The following LHFPL4 variants were observed in gnomAD, a reference collection of about 807,000 sequenced individuals.
LHFPL4 encodes the protein LHFPL tetraspan subfamily member 4 protein.
Under a neutral mutation model 20.0 loss-of-function variants are expected in LHFPL4, and 6 were observed. The ratio of observed to expected loss-of-function variants is 0.30; its 90% CI spans 0.16 to 0.59. LHFPL4 has a LOEUF of 0.59. Ranked by LOEUF, LHFPL4 falls within the 20% of genes least tolerant of loss-of-function variation. The pLI is 0.88. For missense variants in LHFPL4, 215 were observed against 331.2 expected (o/e 0.65, Z 2.72); for synonymous variants, 129 against 143.8 (o/e 0.90, Z 0.74).
In LHFPL4 at chr3:9,502,104, T is replaced by C; in HGVS notation, c.*107A>G. Reference sequence around the variant, plus strand: ...AGCTTGCAGGGTAGTCGGTGAGAAGTAAGTCTGAGATCAGGGTCTTCCCTC... The same window carrying C: ...AGCTTGCAGGGTAGTCGGTGAGAAGCAAGTCTGAGATCAGGGTCTTCCCTC... On this transcript the variant is annotated 3_prime_UTR_variant, in exon 4 of 4. Transcript: ENST00000287585. 1 of 801,910 alleles carries C rather than the reference T, an allele frequency of 1.2e-6. No homozygotes were observed. Among genetic ancestry groups the C allele is most frequent in the Non-Finnish European group, 2.1e-6 (1 of 468,056 alleles). The allele number at this position is 801,910 out of a possible 1,614,324, so 49.7% of individuals were successfully genotyped here. A position where few individuals can be genotyped will look rare whatever the true frequency, so the allele number is the denominator to read the frequency against.
At chr3:9,511,919 C>G (rs190786449) in intron 2 of LHFPL4, among the ~76,000 whole-genome samples, 1 of 148,162 alleles carries the variant, frequency 6.7e-6, no homozygotes, top group African/African-American at 2.5e-5. Context: ...TGGCTGCATC[C>G]TTTACATGGC....
intron 2 of LHFPL4, among the ~76,000 whole-genome samples, chr3:9,525,919 T>G (rs1230490671): frequency 6.6e-6 from 1 of 152,224 alleles, no homozygotes; most frequent in Non-Finnish European, 1.5e-5. Flanking sequence ...CCTGAGTCCA[T>G]GCTCTTAACT....
At chr3:9,510,216 C>T (rs202165788) in intron 2 of LHFPL4, among the ~76,000 whole-genome samples, 11 of 151,790 alleles carry the variant, frequency 7.2e-5, no homozygotes, top group East Asian at 1.9e-4. Context: ...TTTGGGAGGC[C>T]GAGGTGGGAG....
chr3:9,507,673 G>C (rs1316602622), intron 2 of LHFPL4, among the ~76,000 whole-genome samples: 1 of 152,242 alleles, frequency 6.6e-6, no homozygotes, highest in East Asian at 1.9e-4. Flanking sequence ...GCATCCACCT[G>C]CTTTGGATTT....
chr3:9,543,687 A>C (rs1574854930), intron 2 of LHFPL4, among the ~76,000 whole-genome samples: 1 of 150,020 alleles, frequency 6.7e-6, no homozygotes, highest in African/African-American at 2.5e-5. Context: ...TTGTTGACTC[A>C]GGCGACTACG....
chr3:9,503,417 A>T (rs762288990), intron 3 of LHFPL4, among the ~76,000 whole-genome samples: 2 of 152,170 alleles, frequency 1.3e-5, no homozygotes, highest in African/African-American at 2.4e-5. Flanking sequence ...ACTTCACACC[A>T]AAACCACAGT....
At chr3:9,531,486 G>C (rs1038540564) in intron 2 of LHFPL4, among the ~76,000 whole-genome samples, 3 of 152,130 alleles carry the variant, frequency 2.0e-5, no homozygotes, top group Admixed American at 1.3e-4. Context: ...GAGGGAAGGA[G>C]GCAGGGAAGG....
At chr3:9,515,685 G>C (rs2046295487) in intron 2 of LHFPL4, among the ~76,000 whole-genome samples, 1 of 150,554 alleles carries the variant, frequency 6.6e-6, no homozygotes, top group Non-Finnish European at 1.5e-5. Flanking sequence ...AGAGTTATTT[G>C]TATATTTTAG....
At position 9,499,678 on chromosome 3, in the gene LHFPL4, C is replaced by CG. The variant is rs1372924115; in HGVS notation, c.*2532dup. The stretch of plus-strand genomic sequence containing the variant: ...GATGCGGCCTTGGCTGCCTGTGCCC[C>CG]GGGCCTCCAGCCTCTGAAAGGTCAG... On this transcript the variant is annotated 3_prime_UTR_variant, in exon 4 of 4. Transcript: ENST00000287585. The CG allele has an allele frequency of 1.3e-5, 2 of 152,624 alleles. No homozygotes were observed. Among genetic ancestry groups the CG allele is most frequent in the African/African-American group, 4.8e-5 (2 of 41,458 alleles). 9.5% of individuals were successfully genotyped at this position (152,624 alleles called of 1,614,324 possible).
chr3:9,503,866 A>C (rs2046196088), intron 3 of LHFPL4, among the ~76,000 whole-genome samples: 1 of 150,646 alleles, frequency 6.6e-6, no homozygotes, highest in South Asian at 2.1e-4. Flanking sequence ...TCTCTACAAA[A>C]AATACAAAAA....
At chr3:9,511,538 C>T (rs965332838) in intron 2 of LHFPL4, among the ~76,000 whole-genome samples, 5 of 151,982 alleles carry the variant, frequency 3.3e-5, no homozygotes, top group African/African-American at 4.8e-5. Flanking sequence ...ATTTTAACTT[C>T]GATGCATTTA....
chr3:9,544,949 A>C lies in LHFPL4; in HGVS notation c.406+7325T>G, dbSNP rs79335238. ...ATGAATCTCCCATTTCATGTATTGT[A>C]CCATATTGTGATGATCTGTTTTTGT... is the stretch of plus-strand genomic sequence containing the variant. On this transcript the variant is annotated intron_variant, in intron 2 of 3. Transcript: ENST00000287585. Among the ~76,000 whole-genome samples, 63 of 152,240 alleles carry C rather than the reference A, an allele frequency of 4.1e-4. 1 individual carries two copies. The East Asian group carries it at 0.012, about 29-fold the overall frequency.
At position 9,537,219 on chromosome 3, in the gene LHFPL4, G is replaced by A. The variant is rs545227913; in HGVS notation, c.406+15055C>T. Among the ~76,000 whole-genome samples, 16 of 152,206 alleles carry A rather than the reference G, an allele frequency of 1.1e-4. No homozygotes were observed. The East Asian group carries it at 2.7e-3, about 26-fold the overall frequency. On this transcript the variant is annotated intron_variant, in intron 2 of 3. Transcript: ENST00000287585. ...TTCCTCTGGTGCCATTCAGCTTCTC[G>A]CTTGCACTCTGGCCACACTGCCCTC... is the stretch of plus-strand genomic sequence containing the variant.
At position 9,552,507 on chromosome 3, in the gene LHFPL4, T is replaced by C; in HGVS notation, c.173A>G (p.Tyr58Cys). The C allele has an allele frequency of 6.2e-7, 1 of 1,613,692 alleles. No individual in the cohort carries two copies. Among genetic ancestry groups the C allele is most frequent in the Non-Finnish European group, 8.5e-7 (1 of 1,179,938 alleles). ...CACGCAGTAGTGGAAGAGGCCGAAGTAGCCAGGCTTGGGGGTGCTCACGCT... is the reference window on the plus strand; with the variant it reads ...CACGCAGTAGTGGAAGAGGCCGAAGCAGCCAGGCTTGGGGGTGCTCACGCT... ...GDSVSTPKPG[Y>C]FGLFHYCVGS... The change falls in exon 2 of 4, where the codon TAC becomes TGC. Residue 58 changes from tyrosine (Y) to cysteine (C), a missense_variant. Physicochemically the swap from Tyr to Cys is radical, Grantham distance 194. Coordinates refer to ENST00000287585, the MANE Select transcript of LHFPL4 (RefSeq NM_198560.3).
At chr3:9,550,300 C>A (rs937280721) in intron 2 of LHFPL4, among the ~76,000 whole-genome samples, 2 of 152,144 alleles carry the variant, frequency 1.3e-5, no homozygotes, top group African/African-American at 4.8e-5. Context: ...CTGCCAACTG[C>A]CCCCTCAGCC....
chr3:9,546,240 G>A (rs527438085), intron 2 of LHFPL4, among the ~76,000 whole-genome samples: 44 of 151,302 alleles, frequency 2.9e-4, no homozygotes, highest in Admixed American at 1.8e-3. Flanking sequence ...GCTTGAACCC[G>A]GGAGACAGAG....
intron 2 of LHFPL4, among the ~76,000 whole-genome samples, chr3:9,509,806 G>C (rs1208350013): frequency 6.6e-6 from 1 of 152,316 alleles, no homozygotes; most frequent in South Asian, 2.1e-4. Context: ...GACCAGTAGA[G>C]ATAGCCTAGG....
intron 2 of LHFPL4, among the ~76,000 whole-genome samples, chr3:9,540,934 A>T (rs1011191700): frequency 2.6e-5 from 4 of 151,638 alleles, no homozygotes; most frequent in African/African-American, 9.7e-5. Context: ...AATAAATTTT[A>T]AAAATAAAAT....
chr3:9,513,446 C>T (rs1339887825), intron 2 of LHFPL4, among the ~76,000 whole-genome samples: 1 of 152,128 alleles, frequency 6.6e-6, no homozygotes, highest in Non-Finnish European at 1.5e-5. Context: ...CTTCTCCCAC[C>T]TCAGCTTCCC....
Sources: allele counts gnomAD v4.1 joint callset (sites outside exome capture counted in the v4.1 genomes callset), GRCh38; gene constraint gnomAD v4.1.1; transcripts MANE v1.5; gene names NCBI Gene and HGNC (gene_info 2026-07-23, HGNC 2026-07-21).